LYPLA1: variants seen among roughly 807,000 people sequenced by gnomAD.
LYPLA1 encodes lysophospholipase 1.
LYPLA1 carries 17 observed loss-of-function variants against 34.0 expected under a neutral mutation model. The observed-to-expected ratio is 0.50, with a 90% CI of 0.34 to 0.75. LYPLA1 has a LOEUF of 0.75. LYPLA1 is among the 30% of genes least tolerant of loss of function. LYPLA1 has a pLI of 0.01. For missense variants in LYPLA1, 203 were observed against 288.8 expected (o/e 0.70, Z 2.15); for synonymous variants, 98 against 100.8 (o/e 0.97, Z 0.17).
chr8:54,079,800 G>GAAATAAATAAATAAATAAATAAAT (rs569962405), intron 2 of LYPLA1, among the ~76,000 whole-genome samples: 1 of 151,308 alleles, frequency 6.6e-6, no homozygotes, highest in Non-Finnish European at 1.5e-5. Flanking sequence ...GTTTCCCCCT[G>GAAATAAATAAATAAATAAATAAAT]AAATAAATAA....
chr8:54,050,919 T>TA (rs1805795652), intron 8 of LYPLA1, 93 bp downstream of exon 8: 1 of 1,334,992 alleles, frequency 7.5e-7, no homozygotes. Flanking sequence ...TTAACTCATT[T>TA]AAATCCCCAA....
At chr8:54,084,057 G>A (rs933128631) in intron 2 of LYPLA1, among the ~76,000 whole-genome samples, 6 of 150,268 alleles carry the variant, frequency 4.0e-5, no homozygotes, top group Admixed American at 2.7e-4. Context: ...GGAATCACTT[G>A]AACCTCGGAA....
chr8:54,093,310 T>G (rs1586179140), intron 2 of LYPLA1, among the ~76,000 whole-genome samples: 1 of 152,324 alleles, frequency 6.6e-6, no homozygotes, highest in East Asian at 1.9e-4. Flanking sequence ...CTTTGCAGAT[T>G]TCCTTAGTTA....
intron 5 of LYPLA1, among the ~76,000 whole-genome samples, chr8:54,060,418 C>G (rs941134859): frequency 6.6e-6 from 1 of 152,104 alleles, no homozygotes; most frequent in Non-Finnish European, 1.5e-5. Context: ...AGCCACCGTG[C>G]CCGGCCTCCT....
intron 2 of LYPLA1, among the ~76,000 whole-genome samples, chr8:54,076,732 T>C (rs979521273): frequency 2.6e-5 from 4 of 152,236 alleles, no homozygotes; most frequent in Non-Finnish European, 5.9e-5. Flanking sequence ...CTTAAAGACA[T>C]GCTCCTGCTG....
chr8:54,059,430 G>A lies in LYPLA1; in HGVS notation c.286+2824C>T, dbSNP rs528283641. ...CGCCATTCTCCTGCCTCAGCCTCCC[G>A]AGTAGCTGGGACTACAGGCGCCCGC... is the stretch of plus-strand genomic sequence containing the variant. On this transcript the variant is annotated intron_variant, in intron 5 of 8. Transcript: ENST00000316963. 1.4e-3 allele frequency among the ~76,000 whole-genome samples: 164 copies of A among 116,680 alleles called. 22 individuals carry two copies. Among genetic ancestry groups the A allele is most frequent in the Non-Finnish European group, 1.3e-3 (84 of 64,194 alleles). 76.5% of individuals were successfully genotyped at this position (116,680 alleles called of 152,430 possible).
chr8:54,058,545 AAAAC>A (rs1333380634), intron 5 of LYPLA1, among the ~76,000 whole-genome samples: 14 of 152,146 alleles, frequency 9.2e-5, no homozygotes, highest in Admixed American at 7.9e-4. Flanking sequence ...CTCCATCTCA[AAAAC>A]AAACAAAAAA....
Position 54,094,603 on chromosome 8 carries a change from A to G in LYPLA1, c.101+6305T>C, listed in dbSNP as rs149993177. Among the ~76,000 whole-genome samples the G allele has an allele frequency of 5.5e-3, 841 of 152,350 alleles. 4 individuals carry two copies. The highest frequency in any genetic ancestry group is 0.019 in the African/African-American group (810 of 41,590). ...TGTACATATGTATGTATGTCCATAT[A>G]TTCTTAGCTCTGTCCACTGCAAGGG... is the stretch of plus-strand genomic sequence containing the variant. On this transcript the variant is annotated intron_variant, in intron 2 of 8. Coordinates refer to ENST00000316963, the MANE Select transcript of LYPLA1 (RefSeq NM_006330.4).
chr8:54,062,088 C>T (rs915293749), intron 5 of LYPLA1, among the ~76,000 whole-genome samples, 166 bp downstream of exon 5: 1 of 152,108 alleles, frequency 6.6e-6, no homozygotes, highest in Non-Finnish European at 1.5e-5. Context: ...AACTCCTGAC[C>T]TTCAGGTGAC....
downstream of LYPLA1, among the ~76,000 whole-genome samples, chr8:54,044,586 C>T (rs754661329): frequency 2.0e-5 from 3 of 151,838 alleles, no homozygotes; most frequent in Admixed American, 6.6e-5. Flanking sequence ...TGGGGGGTGA[C>T]GGGGTGGAAG....
At chr8:54,084,124 G>GAAA (rs201545035) in intron 2 of LYPLA1, among the ~76,000 whole-genome samples, 24 of 56,368 alleles carry the variant, frequency 4.3e-4, no homozygotes, top group African/African-American at 1.7e-3. Flanking sequence ...GGAGACCAAA[G>GAAA]AAAAAAAAAA....
chr8:54,096,031 C>T (rs1447635666), intron 2 of LYPLA1, among the ~76,000 whole-genome samples: 1 of 152,162 alleles, frequency 6.6e-6, no homozygotes, highest in Non-Finnish European at 1.5e-5. Flanking sequence ...GTGGATTAGA[C>T]CGTAGTATAC....
chr8:54,071,174 G>A (rs1807434842), intron 2 of LYPLA1, among the ~76,000 whole-genome samples: 1 of 152,084 alleles, frequency 6.6e-6, no homozygotes, highest in South Asian at 2.1e-4. Context: ...AATGAAAGAA[G>A]AACTGATAAA....
In LYPLA1 at chr8:54,086,400, A is replaced by AAT. The variant is rs1396194776; in HGVS notation, c.101+14507_101+14508insAT. On this transcript the variant is annotated intron_variant, in intron 2 of 8. Transcript: ENST00000316963. ...TGACCCTGCCAAATCCCCCTCTCCG[A>AAT]GAAACACCCAAGAATGATCAATAAA... 2.1e-5 allele frequency among the ~76,000 whole-genome samples: 3 copies of AAT among 144,896 alleles called. No individual in the cohort carries two copies. In the Admixed American group the frequency reaches 2.1e-4, roughly 10 times the overall value.
chr8:54,096,084 TG>T (rs1279395460), intron 2 of LYPLA1, among the ~76,000 whole-genome samples: 2 of 152,348 alleles, frequency 1.3e-5, no homozygotes, highest in Non-Finnish European at 1.5e-5. Context: ...TGGAGTGTCC[TG>T]GTACTTAAAA....
At chr8:54,098,664 G>C (rs1809873631) in intron 2 of LYPLA1, among the ~76,000 whole-genome samples, 1 of 152,214 alleles carries the variant, frequency 6.6e-6, no homozygotes, top group Admixed American at 6.5e-5. Flanking sequence ...CTGGGTGACA[G>C]AGTGAGACTC....
intron 6 of LYPLA1, 73 bp from the exon 7 acceptor site, chr8:54,052,829 C>T: frequency 1.1e-6 from 1 of 883,376 alleles, no homozygotes; most frequent in South Asian, 1.5e-5. Flanking sequence ...TATCTTGTTA[C>T]TAATGATATC....
chr8:54,048,369 A>G (rs1405655175), intron 8 of LYPLA1, among the ~76,000 whole-genome samples: 1 of 152,204 alleles, frequency 6.6e-6, no homozygotes, highest in Non-Finnish European at 1.5e-5. Context: ...CTGGAACAAT[A>G]TAAGACACTG....
chr8:54,100,858 T>C, intron 2 of LYPLA1, 50 bp downstream of exon 2: 3 of 1,481,542 alleles, frequency 2.0e-6, no homozygotes, highest in Admixed American at 1.7e-5. Flanking sequence ...TAAACAAAAG[T>C]TGCATGACCC....
Sources: gnomAD v4.1 joint callset for allele counts (sites outside exome capture counted in the v4.1 genomes callset) on GRCh38, gnomAD v4.1.1 for gene constraint, MANE v1.5 for transcripts, NCBI Gene and HGNC (gene_info 2026-07-23, HGNC 2026-07-21) for gene names.